Variants in ACTN1 observed in about 807,000 individuals in gnomAD.
ACTN1 encodes actinin alpha 1, also known as alpha-actinin-1.
A neutral mutation model predicts 119.6 loss-of-function variants in ACTN1; 30 were observed. The ratio of observed to expected loss-of-function variants is 0.25; its 90% confidence interval spans 0.19 to 0.34. The LOEUF (loss-of-function observed/expected upper bound fraction) is 0.34. Among genes scored for constraint, ACTN1 ranks in the 10% least tolerant of loss-of-function variants. The pLI is 1.00. For missense variants in ACTN1, 764 were observed against 1,223.4 expected (o/e 0.62, Z 5.60); for synonymous variants, 429 against 472.6 (o/e 0.91, Z 1.20).
intron 1 of ACTN1, among the ~76,000 whole-genome samples, chr14:68,966,989 G>A (rs1223445849): frequency 1.3e-5 from 2 of 152,236 alleles, no homozygotes; most frequent in Admixed American, 1.3e-4. Context: ...AACGCAGCTA[G>A]GCTGGCTGGT....
intron 1 of ACTN1, among the ~76,000 whole-genome samples, chr14:68,945,453 G>A (rs1247134083): frequency 6.6e-6 from 1 of 152,172 alleles, no homozygotes; most frequent in African/African-American, 2.4e-5. Flanking sequence ...GTTGGGCTGG[G>A]AGTGCCAATC....
At chr14:68,948,590 AG>A (rs1365252373) in intron 1 of ACTN1, among the ~76,000 whole-genome samples, 1 of 152,122 alleles carries the variant, frequency 6.6e-6, no homozygotes, top group Non-Finnish European at 1.5e-5. Context: ...AAAAAAAAGA[AG>A]TAAGGTTTTC....
intron 3 of ACTN1, among the ~76,000 whole-genome samples, chr14:68,917,932 G>A (rs1422713047): frequency 6.6e-6 from 1 of 152,194 alleles, no homozygotes; most frequent in African/African-American, 2.4e-5. Context: ...CAGGCGTGGT[G>A]GCACAAACCT....
chr14:68,925,626 T>C lies in ACTN1; in HGVS notation c.152A>G (p.Gln51Arg). Residue 51 changes from glutamine (Q) to arginine (R), a missense_variant, in exon 2 of 22, where the codon CAG (glutamine) becomes CGG (arginine). This residue lies in a region of ACTN1 where 64 missense variants were observed against 80.0 expected (regional missense o/e 0.80). Transcript: ENST00000394419. The surrounding 1 kb of genome is among the most constrained non-coding windows in gnomAD (Gnocchi z 4.3). Reference sequence around the variant, plus strand: ...GAAGTCCTCTTCGATGTTCTCGATCTGTGTCCCCGCCTTCCGGAGGTGGGA... The same window carrying C: ...GAAGTCCTCTTCGATGTTCTCGATCCGTGTCCCCGCCTTCCGGAGGTGGGA... ...CNSHLRKAGT[Q>R]IENIEEDFRD... 6.2e-7 allele frequency: 1 copy of C among 1,613,490 alleles called. No homozygotes were observed. Among genetic ancestry groups the C allele is most frequent in the Non-Finnish European group, 8.5e-7 (1 of 1,179,690 alleles).
Position 68,878,275 on chromosome 14 carries a change from A to T in ACTN1, c.2427+183T>A. 4 of 795,058 alleles carry T rather than the reference A, an allele frequency of 5.0e-6. No homozygotes were observed. Among genetic ancestry groups the T allele is most frequent in the Middle Eastern group, 3.8e-4 (1 of 2,614 alleles). 49.3% of individuals were successfully genotyped at this position (795,058 alleles called of 1,614,324 possible). A position where few individuals can be genotyped will look rare whatever the true frequency, so the allele number is the denominator to read the frequency against. On this transcript the variant is annotated intron_variant, in intron 20 of 21. Transcript: ENST00000394419. This position sits in a 1 kb window ranked among gnomAD's most constrained non-coding sequence, Gnocchi z 4.4. ...AGGAGGTCAGGCCTCCCGGATACAC[A>T]CACGCCCGTGGCCGGGCCGGCTTTC...
intron 4 of ACTN1, 74 bp downstream of exon 4, chr14:68,912,082 T>TGG: frequency 7.1e-7 from 1 of 1,416,670 alleles, no homozygotes; most frequent in South Asian, 1.2e-5. Context: ...GCCCTGGGTA[T>TGG]GGGAGTTCTC....
chr14:68,913,444 AAC>A (rs1594804795), intron 3 of ACTN1, among the ~76,000 whole-genome samples: 1 of 152,166 alleles, frequency 6.6e-6, no homozygotes, highest in South Asian at 2.1e-4. Flanking sequence ...GACCCAATAG[AAC>A]CATGAGAAGG....
At chr14:68,884,931 T>C (rs112709534) in intron 12 of ACTN1, 48 bp from the exon 13 acceptor site, 1 of 1,462,298 alleles carries the variant, frequency 6.8e-7, no homozygotes, top group Non-Finnish European at 9.6e-7. Flanking sequence ...GTTAATTTCA[T>C]GGCCCATCTC....
intron 11 of ACTN1, chr14:68,888,013 C>T: frequency 1.3e-6 from 1 of 746,854 alleles, no homozygotes; most frequent in Non-Finnish European, 2.5e-6. Flanking sequence ...GTTTAACTGA[C>T]AACCGCGCCG....
chr14:68,923,173 G>A (rs913183611), intron 2 of ACTN1, among the ~76,000 whole-genome samples: 3 of 152,226 alleles, frequency 2.0e-5, no homozygotes, highest in Admixed American at 1.3e-4. Flanking sequence ...CCGCCTACAT[G>A]TCTGGTGCTG....
rs1216489361 is a variant in ACTN1 at position 68,887,935 on chromosome 14, C to G, written c.1234+2204G>C. The G allele has an allele frequency of 2.0e-5, 18 of 898,226 alleles. No individual in the cohort carries two copies. The African/African-American group carries it at 2.7e-4, about 13-fold the overall frequency. The allele number at this position is 898,226 out of a possible 1,614,324, so 55.6% of individuals were successfully genotyped here. On this transcript the variant is annotated intron_variant, in intron 11 of 21. Transcript: ENST00000394419. ...TTGCTCCCTTTTTCCCTTTTGTTTG[C>G]ACTTTTTTGTCTGAAGATTTATCCT...
intron 2 of ACTN1, among the ~76,000 whole-genome samples, chr14:68,924,146 T>C (rs1213639893): frequency 6.6e-6 from 1 of 152,192 alleles, no homozygotes; most frequent in Non-Finnish European, 1.5e-5. Flanking sequence ...TGAACAGCTG[T>C]AGGGTGTCAG....
At chr14:68,883,180 G>C in intron 14 of ACTN1, 125 bp from the exon 15 acceptor site, 1 of 1,053,262 alleles carries the variant, frequency 9.5e-7, no homozygotes, top group Non-Finnish European at 1.4e-6. Context: ...AAAGATTCTT[G>C]TGGCTGAGAA....
intron 1 of ACTN1, among the ~76,000 whole-genome samples, chr14:68,961,500 G>A (rs533489208): frequency 1.3e-5 from 2 of 152,260 alleles, no homozygotes; most frequent in East Asian, 3.9e-4. Flanking sequence ...GGCTAGAAAC[G>A]CAGTGTTCCC....
At chr14:68,957,752 C>A (rs1215157247) in intron 1 of ACTN1, among the ~76,000 whole-genome samples, 1 of 152,124 alleles carries the variant, frequency 6.6e-6, no homozygotes, top group Non-Finnish European at 1.5e-5. Context: ...AGGCATCTGG[C>A]CAGCATGGGA....
At position 68,878,015 on chromosome 14, in the gene ACTN1, TG is replaced by T. The variant is rs545080541; in HGVS notation, c.2427+442del. 5.8e-4 allele frequency: 65 copies of T among 112,656 alleles called. No homozygotes were observed. Among genetic ancestry groups the T allele is most frequent in the Non-Finnish European group, 8.7e-4 (47 of 54,124 alleles). 7.0% of individuals were successfully genotyped at this position (112,656 alleles called of 1,614,324 possible). A position where few individuals can be genotyped will look rare whatever the true frequency, so the allele number is the denominator to read the frequency against. On this transcript the variant is annotated intron_variant, in intron 20 of 21. Transcript: ENST00000394419. The surrounding 1 kb of genome is among the most constrained non-coding windows in gnomAD (Gnocchi z 4.4). ...GCAAGGGGGGACAGACTAGGAAGGT[TG>T]GGGGGTGGGGGACGGCCTGGGACAA...
At chr14:68,908,165 G>T (rs1028114963) in intron 6 of ACTN1, among the ~76,000 whole-genome samples, 10 of 150,298 alleles carry the variant, frequency 6.7e-5, no homozygotes, top group South Asian at 4.3e-4. Context: ...TCAAGCTTCA[G>T]GTGACGGGGC....
At chr14:68,950,086 G>C (rs2036081469) in intron 1 of ACTN1, among the ~76,000 whole-genome samples, 1 of 152,114 alleles carries the variant, frequency 6.6e-6, no homozygotes, top group Admixed American at 6.6e-5. Context: ...ACAAGGTCAG[G>C]AGTTCGAGAC....
In ACTN1 at chr14:68,882,549, T is replaced by C; in HGVS notation, c.1862A>G (p.Glu621Gly). 6.2e-7 allele frequency: 1 copy of C among 1,614,150 alleles called. No individual in the cohort carries two copies. The highest frequency in any genetic ancestry group is 8.5e-7 in the Non-Finnish European group (1 of 1,180,028). Residue 621 changes from glutamate (E) to glycine (G), a missense_variant, in exon 16 of 22, where the codon GAG (glutamate) becomes GGG (glycine). Physicochemically the swap from Glu to Gly is moderately conservative, Grantham distance 98. Coordinates refer to ENST00000394419, the MANE Select transcript of ACTN1 (RefSeq NM_001130004.2). This position sits in a 1 kb window ranked among gnomAD's most constrained non-coding sequence, Gnocchi z 4.5. ...CTCATTGTGCTGCTGTCGGGCATGC[T>C]CCTCCGTCAGAGCTTGGTCCCTCCG... ...VPRRDQALTE[E>G]HARQQHNERL...
Sources: gnomAD v4.1 joint callset for allele counts (sites outside exome capture counted in the v4.1 genomes callset) on GRCh38, gnomAD v4.1.1 for gene constraint, gnomAD v4.1.1 regional missense constraint, Gnocchi (gnomAD v3.1) non-coding constraint, MANE v1.5 for transcripts, NCBI Gene and HGNC (gene_info 2026-07-23, HGNC 2026-07-21) for gene names.